Variants in CLVS1 observed in about 807,000 individuals in gnomAD.
The protein encoded by CLVS1 is clavesin-1.
In CLVS1, 10 loss-of-function variants were observed where a neutral mutation model predicts 33.1. The observed-to-expected ratio is 0.30, with a 90% CI of 0.19 to 0.51. CLVS1 has a LOEUF of 0.51. CLVS1 is among the 20% of genes least tolerant of loss of function. The pLI is 0.97. For missense variants in CLVS1, 343 were observed against 433.4 expected (o/e 0.79, Z 1.85); for synonymous variants, 163 against 166.1 (o/e 0.98, Z 0.14).
At chr8:61,181,697 CTT>C (rs369025438) in intron 2 of CLVS1, among the ~76,000 whole-genome samples, 3,037 of 103,108 alleles carry the variant, frequency 0.029, 85 homozygotes, top group African/African-American at 0.1. Flanking sequence ...ACCATCTGAT[CTT>C]TTTTTTTTTT....
At chr8:61,386,322 C>T (rs1814082301) in intron 3 of CLVS1, among the ~76,000 whole-genome samples, 1 of 152,200 alleles carries the variant, frequency 6.6e-6, no homozygotes, top group African/African-American at 2.4e-5. Context: ...AAACCCCGGA[C>T]TTCATAAATC....
chr8:61,293,227 G>A (rs780777606), intron 1 of CLVS1, among the ~76,000 whole-genome samples: 3 of 152,152 alleles, frequency 2.0e-5, no homozygotes, highest in Non-Finnish European at 4.4e-5. Flanking sequence ...ATAATTCAGA[G>A]TCTCCTCTCT....
At chr8:61,208,353 G>A (rs1031711666) in intron 2 of CLVS1, among the ~76,000 whole-genome samples, 8 of 152,114 alleles carry the variant, frequency 5.3e-5, no homozygotes, top group African/African-American at 1.7e-4. Context: ...TTTGAAGAAA[G>A]GGCTCTGACA....
chr8:61,205,908 G>A (rs1807829165), intron 2 of CLVS1, among the ~76,000 whole-genome samples: 1 of 152,026 alleles, frequency 6.6e-6, no homozygotes, highest in South Asian at 2.1e-4. Context: ...ATTTTTAGAT[G>A]TAATTTTATA....
intron 2 of CLVS1, among the ~76,000 whole-genome samples, chr8:61,316,747 G>T (rs533853939): frequency 6.6e-6 from 1 of 152,318 alleles, no homozygotes; most frequent in East Asian, 1.9e-4. Context: ...TCTGAATCTA[G>T]ATGGGACAGC....
At chr8:61,386,312 A>G (rs1250523693) in intron 3 of CLVS1, among the ~76,000 whole-genome samples, 1 of 152,236 alleles carries the variant, frequency 6.6e-6, no homozygotes, top group African/African-American at 2.4e-5. Flanking sequence ...CACGCTTGAT[A>G]AACCCCGGAC....
At chr8:61,417,412 A>C (rs1815481375) in intron 3 of CLVS1, among the ~76,000 whole-genome samples, 1 of 152,112 alleles carries the variant, frequency 6.6e-6, no homozygotes, top group Admixed American at 6.5e-5. Context: ...ACCACGTAAA[A>C]GTTTAATTTT....
chr8:61,496,468 T>C (rs1804270914), intron 5 of CLVS1, among the ~76,000 whole-genome samples: 2 of 151,998 alleles, frequency 1.3e-5, no homozygotes, highest in South Asian at 4.1e-4. Context: ...ACTTCTCCCT[T>C]CCCCACATGC....
At chr8:60,975,398 A>G in the CLVS1 span, among the ~76,000 whole-genome samples, 1 of 152,192 alleles carries the variant, frequency 6.6e-6, no homozygotes, top group South Asian at 2.1e-4. Flanking sequence ...TTGAGATGAG[A>G]TTATCTTGGT....
chr8:61,244,467 GTGC>G (rs1438501611), intron 2 of CLVS1, among the ~76,000 whole-genome samples: 1 of 152,126 alleles, frequency 6.6e-6, no homozygotes, highest in Admixed American at 6.6e-5. Context: ...GTTGGATGTA[GTGC>G]TCTACATATG....
At chr8:61,455,919 G>A (rs1817138818) in intron 4 of CLVS1, among the ~76,000 whole-genome samples, 1 of 152,304 alleles carries the variant, frequency 6.6e-6, no homozygotes, top group South Asian at 2.1e-4. Context: ...TAATTTCCCT[G>A]TTCTCAAACA....
intron 2 of CLVS1, chr8:61,203,344 A>G: frequency 1.7e-6 from 1 of 603,346 alleles, no homozygotes; most frequent in Admixed American, 2.5e-5. Flanking sequence ...CGTGTTTGAT[A>G]AATGTTGTCC....
intron 2 of CLVS1, among the ~76,000 whole-genome samples, chr8:61,349,429 G>A (rs1025611537): frequency 1.3e-5 from 2 of 152,048 alleles, no homozygotes; most frequent in Admixed American, 6.6e-5. Flanking sequence ...TGGGTGAGAG[G>A]AGGAGGAGGG....
intron 3 of CLVS1, among the ~76,000 whole-genome samples, chr8:61,432,809 C>T (rs549896580): frequency 1.3e-5 from 2 of 152,272 alleles, no homozygotes; most frequent in African/African-American, 4.8e-5. Context: ...GTTTATTCTG[C>T]CCAGGTTGAG....
chr8:61,433,003 G>A (rs1270781277), intron 3 of CLVS1, among the ~76,000 whole-genome samples: 2 of 152,214 alleles, frequency 1.3e-5, no homozygotes, highest in African/African-American at 4.8e-5. Context: ...ACCCAGGCTG[G>A]AGTGCAGTGG....
the CLVS1 span, among the ~76,000 whole-genome samples, chr8:61,023,605 GT>G: frequency 1.3e-5 from 2 of 152,226 alleles, no homozygotes; most frequent in African/African-American, 4.8e-5. Flanking sequence ...TAGGATTTAT[GT>G]TTTTTATGAA....
chr8:60,998,499 T>C, the CLVS1 span, among the ~76,000 whole-genome samples: 1 of 152,130 alleles, frequency 6.6e-6, no homozygotes, highest in East Asian at 1.9e-4. Context: ...CCTCCCTGCC[T>C]GTTTGGCTAC....
chr8:61,217,450 G>GGTAT, intron 2 of CLVS1, among the ~76,000 whole-genome samples: 5 of 152,228 alleles, frequency 3.3e-5, no homozygotes, highest in African/African-American at 1.2e-4. Flanking sequence ...TTGGATCAAA[G>GGTAT]GTATGTCTCA....
intron 2 of CLVS1, among the ~76,000 whole-genome samples, chr8:61,176,197 T>C (rs1188707938): frequency 6.6e-6 from 1 of 152,210 alleles, no homozygotes; most frequent in Non-Finnish European, 1.5e-5. Flanking sequence ...CAAGCAGAGA[T>C]ATAGGATGTG....
Sources: allele counts gnomAD v4.1 joint callset (sites outside exome capture counted in the v4.1 genomes callset), GRCh38; gene constraint gnomAD v4.1.1; transcripts MANE v1.5; gene names NCBI Gene and HGNC (gene_info 2026-07-23, HGNC 2026-07-21).